The following GRID2 variants were observed in gnomAD, a reference collection of about 807,000 sequenced individuals.
GRID2 encodes glutamate ionotropic receptor delta type subunit 2, also known as glutamate receptor ionotropic, delta-2.
GRID2 carries 33 observed loss-of-function variants against 114.8 expected under a neutral mutation model. That is an observed-to-expected ratio of 0.29 (90% confidence interval 0.22 to 0.38). GRID2 has a LOEUF of 0.38. Among genes scored for constraint, GRID2 ranks in the 10% least tolerant of loss-of-function variants. The probability of loss-of-function intolerance (pLI) is 1.00; values close to 1 mark genes in which losing one functional copy is unlikely to be tolerated. For synonymous variants in GRID2, 505 were observed against 449.9 expected, an observed-to-expected ratio of 1.12 and a Z score of -1.55; for missense variants, 1,184 against 1,257.7, an observed-to-expected ratio of 0.94 and a Z score of 0.89.
At chr4:93,651,216 A>G (rs1231233402) in intron 14 of GRID2, among the ~76,000 whole-genome samples, 1 of 152,138 alleles carries the variant, frequency 6.6e-6, no homozygotes, top group Non-Finnish European at 1.5e-5. Flanking sequence ...CTCACAGCAA[A>G]CAACCACTTC....
At chr4:92,399,659 CTCTCTCTA>C (rs1171693487) in intron 1 of GRID2, among the ~76,000 whole-genome samples, 182 of 139,318 alleles carry the variant, frequency 1.3e-3, no homozygotes, top group African/African-American at 4.3e-3. Context: ...CTCTCTCTCT[CTCTCTCTA>C]TATATATATA....
intron 13 of GRID2, among the ~76,000 whole-genome samples, chr4:93,580,271 G>C (rs918384755): frequency 6.6e-6 from 1 of 152,184 alleles, no homozygotes; most frequent in Non-Finnish European, 1.5e-5. Flanking sequence ...ACATGGAGAA[G>C]GTGATAGGAA....
At chr4:92,828,459 T>C (rs1741884931) in intron 2 of GRID2, among the ~76,000 whole-genome samples, 1 of 152,104 alleles carries the variant, frequency 6.6e-6, no homozygotes, top group Non-Finnish European at 1.5e-5. Flanking sequence ...AGAGCACTTG[T>C]ATAGAATAGT....
chr4:92,704,766 CCCCTCCCTCCCT>C (rs1031713498), intron 2 of GRID2, among the ~76,000 whole-genome samples: 1 of 102,514 alleles, frequency 9.8e-6, no homozygotes, highest in Middle Eastern at 4.5e-3. Context: ...TCCCTCTCTG[CCCCTCCCTCCCT>C]CCCTCCCTCT....
At chr4:92,665,288 CAAA>C in intron 2 of GRID2, among the ~76,000 whole-genome samples, 1 of 134,510 alleles carries the variant, frequency 7.4e-6, no homozygotes, top group South Asian at 2.3e-4. Flanking sequence ...ACTTCAATAA[CAAA>C]AAAAAAAAAA....
chr4:92,537,141 A>G (rs2149158618), intron 1 of GRID2, among the ~76,000 whole-genome samples: 1 of 152,322 alleles, frequency 6.6e-6, no homozygotes, highest in Admixed American at 6.5e-5. Flanking sequence ...TTCTATTTTT[A>G]AATATTTTAC....
At chr4:93,412,493 G>T (rs1767296783) in intron 9 of GRID2, among the ~76,000 whole-genome samples, 1 of 151,986 alleles carries the variant, frequency 6.6e-6, no homozygotes, top group Non-Finnish European at 1.5e-5. Context: ...ATATATACTT[G>T]TGCACATTTA....
intron 2 of GRID2, among the ~76,000 whole-genome samples, chr4:93,080,813 CAG>C (rs1729792926): frequency 6.6e-6 from 1 of 152,084 alleles, no homozygotes; most frequent in Admixed American, 6.6e-5. Flanking sequence ...TTATAATAAA[CAG>C]AAACTTATTT....
chr4:92,845,585 C>T (rs1458826413), intron 2 of GRID2, among the ~76,000 whole-genome samples: 1 of 152,088 alleles, frequency 6.6e-6, no homozygotes, highest in African/African-American at 2.4e-5. Flanking sequence ...TCTCTGCCCT[C>T]CTCCACCCTT....
intron 2 of GRID2, among the ~76,000 whole-genome samples, chr4:93,023,131 ATGTGTG>A (rs57903930): frequency 3.6e-5 from 5 of 138,864 alleles, no homozygotes; most frequent in African/African-American, 1.3e-4. Flanking sequence ...GTGTGTATGT[ATGTGTG>A]TGTGTGTGTG....
At chr4:92,775,269 A>C (rs1738735670) in intron 2 of GRID2, among the ~76,000 whole-genome samples, 1 of 152,164 alleles carries the variant, frequency 6.6e-6, no homozygotes, top group Non-Finnish European at 1.5e-5. Flanking sequence ...TGTGTTATTA[A>C]AATTACCTTT....
intron 8 of GRID2, among the ~76,000 whole-genome samples, chr4:93,291,127 A>G (rs371030757): frequency 5.5e-4 from 83 of 151,006 alleles, no homozygotes; most frequent in African/African-American, 1.8e-3. Flanking sequence ...TCCGCCCACC[A>G]GATCCAAAGT....
chr4:93,170,930 T>C (rs921940892), intron 4 of GRID2, among the ~76,000 whole-genome samples: 2 of 152,036 alleles, frequency 1.3e-5, no homozygotes, highest in African/African-American at 4.8e-5. Context: ...CAGAAAATAA[T>C]GTCTGCTCGG....
chr4:93,407,855 G>T (rs1579982498), intron 9 of GRID2, among the ~76,000 whole-genome samples: 1 of 137,780 alleles, frequency 7.3e-6, no homozygotes, highest in Non-Finnish European at 1.6e-5. Flanking sequence ...TCCACCTCCT[G>T]CTTCTCCTTC....
At chr4:93,013,524 A>G (rs933463372) in intron 2 of GRID2, among the ~76,000 whole-genome samples, 1 of 151,964 alleles carries the variant, frequency 6.6e-6, no homozygotes, top group African/African-American at 2.4e-5. Context: ...ATTTATATAT[A>G]TATACCCACA....
chr4:92,386,149 C>T (rs1204008198), intron 1 of GRID2, among the ~76,000 whole-genome samples: 1 of 151,434 alleles, frequency 6.6e-6, no homozygotes, highest in Non-Finnish European at 1.5e-5. Context: ...AATGGTAATG[C>T]CTGCATCTTA....
chr4:92,402,653 A>G lies in GRID2; in HGVS notation c.88+97909A>G, dbSNP rs892344270. On this transcript the variant is annotated intron_variant, in intron 1 of 15. Transcript: ENST00000282020. Reference sequence around the variant, plus strand: ...CTTAACATATTCAGTAAACCATGCTATAAACAAATGTACATTCATCCAGGC... The same window carrying G: ...CTTAACATATTCAGTAAACCATGCTGTAAACAAATGTACATTCATCCAGGC... 2.6e-5 allele frequency among the ~76,000 whole-genome samples: 4 copies of G among 152,190 alleles called. No homozygotes were observed. The East Asian group carries it at 5.8e-4, about 22-fold the overall frequency.
At chr4:92,923,111 A>C (rs539260032) in intron 2 of GRID2, among the ~76,000 whole-genome samples, 1 of 152,242 alleles carries the variant, frequency 6.6e-6, no homozygotes, top group Non-Finnish European at 1.5e-5. Flanking sequence ...TCATTTAAAC[A>C]TAATTTTCAT....
chr4:93,217,680 A>G (rs1744395975), intron 6 of GRID2, among the ~76,000 whole-genome samples: 1 of 152,084 alleles, frequency 6.6e-6, no homozygotes, highest in Non-Finnish European at 1.5e-5. Flanking sequence ...GAGACGGGAA[A>G]AAAATCAATC....
Sources: allele counts gnomAD v4.1 joint callset (sites outside exome capture counted in the v4.1 genomes callset), GRCh38; gene constraint gnomAD v4.1.1; transcripts MANE v1.5; gene names NCBI Gene and HGNC (gene_info 2026-07-23, HGNC 2026-07-21).